DCC: variants seen among roughly 807,000 people sequenced by gnomAD.
DCC encodes the protein DCC netrin 1 receptor.
Under a neutral mutation model 172.5 loss-of-function variants are expected in DCC, and 58 were observed. That is an observed-to-expected ratio of 0.34 (90% CI 0.27 to 0.42). The LOEUF (loss-of-function observed/expected upper bound fraction) is 0.42. Ranked by LOEUF, DCC falls within the 10% of genes least tolerant of loss-of-function variation. The pLI is 1.00. For synonymous variants in DCC, 709 were observed against 644.5 expected (o/e 1.10, Z -1.52); for missense variants, 1,740 against 1,791.0 (o/e 0.97, Z 0.51).
At chr18:52,996,772 C>CTTTTTTTTTTTTT (rs66600556) in intron 5 of DCC, among the ~76,000 whole-genome samples, 1 of 117,168 alleles carries the variant, frequency 8.5e-6, no homozygotes. Context: ...TCACCTTTTT[C>CTTTTTTTTTTTTT]TTTTTTTTTT....
chr18:52,590,799 T>A (rs1337519113), intron 1 of DCC, among the ~76,000 whole-genome samples: 1 of 152,226 alleles, frequency 6.6e-6, no homozygotes, highest in Non-Finnish European at 1.5e-5. Flanking sequence ...TTCTACAAAG[T>A]AAGATACACA....
At chr18:52,400,064 A>G (rs1308991772) in intron 1 of DCC, among the ~76,000 whole-genome samples, 2 of 151,966 alleles carry the variant, frequency 1.3e-5, no homozygotes, top group Non-Finnish European at 2.9e-5. Context: ...TCATGTTGTG[A>G]ATAGAAATAT....
At chr18:52,865,805 GCAAA>G (rs1270332391) in intron 2 of DCC, among the ~76,000 whole-genome samples, 3 of 152,008 alleles carry the variant, frequency 2.0e-5, no homozygotes, top group Non-Finnish European at 4.4e-5. Context: ...GGTTCAGCAT[GCAAA>G]CAGAGACAAC....
chr18:53,234,155 C>G (rs148267710), intron 12 of DCC, among the ~76,000 whole-genome samples: 1,960 of 152,286 alleles, frequency 0.013, 47 homozygotes, highest in African/African-American at 0.045. Flanking sequence ...GAGGCTGAGG[C>G]AGGAGAATCG....
At chr18:53,129,024 C>A (rs1042842225) in intron 7 of DCC, among the ~76,000 whole-genome samples, 1 of 151,576 alleles carries the variant, frequency 6.6e-6, no homozygotes, top group African/African-American at 2.4e-5. Context: ...GTAGCTGGGA[C>A]TACAGGCATA....
intron 15 of DCC, among the ~76,000 whole-genome samples, chr18:53,378,895 A>T (rs900375099): frequency 2.6e-5 from 4 of 152,228 alleles, no homozygotes; most frequent in African/African-American, 9.6e-5. Flanking sequence ...GAAAAAAAGA[A>T]AAATCTTTAT....
intron 22 of DCC, among the ~76,000 whole-genome samples, chr18:53,440,958 T>G (rs1202577334): frequency 1.3e-5 from 2 of 152,242 alleles, no homozygotes; most frequent in Non-Finnish European, 2.9e-5. Context: ...CATTAACATG[T>G]AAGATTGGAT....
At chr18:53,255,122 A>G (rs2056489016) in intron 12 of DCC, among the ~76,000 whole-genome samples, 1 of 151,814 alleles carries the variant, frequency 6.6e-6, no homozygotes, top group South Asian at 2.1e-4. Context: ...GGAAGCATTC[A>G]CTTCTAGCTT....
At chr18:53,018,430 T>C (rs2041837280) in intron 5 of DCC, among the ~76,000 whole-genome samples, 1 of 152,206 alleles carries the variant, frequency 6.6e-6, no homozygotes, top group Non-Finnish European at 1.5e-5. Context: ...CCTCTTTTTT[T>C]GTGCAAAAGT....
At chr18:52,373,144 C>T (rs13380948) in intron 1 of DCC, among the ~76,000 whole-genome samples, 76,156 of 151,916 alleles carry the variant, frequency 0.5, 20,872 homozygotes, top group African/African-American at 0.74. Context: ...GGAGAAGATA[C>T]GTGAATTTAG....
chr18:53,095,698 C>T (rs34540811), intron 7 of DCC, among the ~76,000 whole-genome samples: 38,472 of 150,696 alleles, frequency 0.26, 6,153 homozygotes, highest in African/African-American at 0.44. Flanking sequence ...ACCAGGATAA[C>T]CTCCTCATTT....
chr18:52,700,467 C>A (rs912029811), intron 1 of DCC, among the ~76,000 whole-genome samples: 1 of 152,174 alleles, frequency 6.6e-6, no homozygotes, highest in Admixed American at 6.5e-5. Context: ...TAATTTTTCC[C>A]TGTCATGCTA....
At chr18:52,618,302 T>A (rs527829318) in intron 1 of DCC, among the ~76,000 whole-genome samples, 1 of 152,198 alleles carries the variant, frequency 6.6e-6, no homozygotes, top group African/African-American at 2.4e-5. Context: ...AAATTTGTTT[T>A]TAAAAAAAAC....
chr18:52,417,756 T>C (rs1987092699), intron 1 of DCC, among the ~76,000 whole-genome samples: 1 of 152,230 alleles, frequency 6.6e-6, no homozygotes, highest in Non-Finnish European at 1.5e-5. Context: ...TATTGGTTAT[T>C]CTAGTTATAC....
At chr18:52,571,329 T>A (rs1181536547) in intron 1 of DCC, among the ~76,000 whole-genome samples, 1 of 143,020 alleles carries the variant, frequency 7.0e-6, no homozygotes, top group African/African-American at 2.5e-5. Context: ...AATCACCCTA[T>A]ATATATTACG....
intron 15 of DCC, among the ~76,000 whole-genome samples, chr18:53,344,962 A>T (rs1453775030): frequency 6.6e-6 from 1 of 151,518 alleles, no homozygotes; most frequent in Admixed American, 6.6e-5. Context: ...ATAATGGACC[A>T]GAGACTAAAT....
intron 1 of DCC, among the ~76,000 whole-genome samples, chr18:52,547,210 C>T (rs920988700): frequency 6.6e-6 from 1 of 152,238 alleles, no homozygotes; most frequent in South Asian, 2.1e-4. Flanking sequence ...GATATTCTTG[C>T]CAAATTGGCA....
intron 2 of DCC, among the ~76,000 whole-genome samples, chr18:52,881,937 A>C (rs1021661697): frequency 1.4e-4 from 22 of 152,020 alleles, no homozygotes; most frequent in Non-Finnish European, 2.8e-4. Flanking sequence ...CATGAACATG[A>C]AATATCTTTC....
chr18:52,688,144 A>G (rs948798041), intron 1 of DCC, among the ~76,000 whole-genome samples: 14 of 146,598 alleles, frequency 9.5e-5, no homozygotes, highest in Non-Finnish European at 1.8e-4. Flanking sequence ...TTTTTTTGGT[A>G]TATTGTATAA....
Sources: allele counts gnomAD v4.1 joint callset (sites outside exome capture counted in the v4.1 genomes callset), GRCh38; gene constraint gnomAD v4.1.1; transcripts MANE v1.5; gene names NCBI Gene and HGNC (gene_info 2026-07-23, HGNC 2026-07-21).